Variants in ITGA8 observed in about 807,000 individuals in gnomAD.
The protein encoded by ITGA8 is integrin alpha-8.
ITGA8 carries 91 observed loss-of-function variants against 142.3 expected under a neutral mutation model. That is an observed-to-expected ratio of 0.64 (90% CI 0.54 to 0.76). The LOEUF (loss-of-function observed/expected upper bound fraction) is 0.76, where lower values mean the gene tolerates loss of function less well. ITGA8 is among the 30% of genes least tolerant of loss of function. The pLI, the probability that ITGA8 is intolerant of heterozygous loss-of-function variation, is 0.00. For synonymous variants in ITGA8, 505 were observed against 485.2 expected (o/e 1.04, Z -0.54); for missense variants, 1,406 against 1,327.7 (o/e 1.06, Z -0.92).
At chr10:15,527,685 C>T (rs780668795) in intron 28 of ITGA8, among the ~76,000 whole-genome samples, 16 of 152,176 alleles carry the variant, frequency 1.1e-4, no homozygotes, top group Non-Finnish European at 1.9e-4. Context: ...AAAGCTAATA[C>T]GGGCCTCAAG....
intron 24 of ITGA8, among the ~76,000 whole-genome samples, chr10:15,574,665 A>G (rs1408843257): frequency 6.6e-6 from 1 of 151,892 alleles, no homozygotes; most frequent in Non-Finnish European, 1.5e-5. Flanking sequence ...CTGGGATTAC[A>G]GGCGTGAGCC....
chr10:15,571,424 G>A (rs1834181556), intron 25 of ITGA8, among the ~76,000 whole-genome samples: 1 of 152,228 alleles, frequency 6.6e-6, no homozygotes, highest in Non-Finnish European at 1.5e-5. Flanking sequence ...ACTACAAGAT[G>A]TTGTTGTCTT....
intron 17 of ITGA8, among the ~76,000 whole-genome samples, chr10:15,607,182 T>C (rs1833210605): frequency 6.6e-6 from 1 of 152,226 alleles, no homozygotes; most frequent in African/African-American, 2.4e-5. Context: ...GTGTTATAAA[T>C]ATTTTTACTT....
rs193180044 is a variant in ITGA8, at chr10:15,597,766, C to T, written c.2119-467G>A. Among the ~76,000 whole-genome samples the T allele has an allele frequency of 6.6e-5, 10 of 152,232 alleles. No homozygotes were observed. In the East Asian group the frequency reaches 1.5e-3, roughly 24 times the overall value. The stretch of plus-strand genomic sequence containing the variant: ...CACAAATTTCTATACACCATGGTCC[C>T]GTTTTGAGATCATGCAATCGACTTT... On this transcript the variant is annotated intron_variant, in intron 20 of 29. Transcript: ENST00000378076.
chr10:15,584,544 G>A (rs1832788112), intron 23 of ITGA8, among the ~76,000 whole-genome samples: 1 of 152,176 alleles, frequency 6.6e-6, no homozygotes, highest in African/African-American at 2.4e-5. Context: ...TCTCACAGGA[G>A]TGTAATTTGG....
chr10:15,559,509 A>G (rs1833938572), intron 25 of ITGA8, among the ~76,000 whole-genome samples: 1 of 152,226 alleles, frequency 6.6e-6, no homozygotes, highest in South Asian at 2.1e-4. Context: ...CAGGGAGATC[A>G]GATGTAGGAG....
chr10:15,693,801 G>A (rs146427707), intron 2 of ITGA8, among the ~76,000 whole-genome samples: 299 of 152,208 alleles, frequency 2.0e-3, no homozygotes, highest in African/African-American at 6.7e-3. Context: ...ATAAGTGATC[G>A]TGAAAGTTCT....
At chr10:15,548,426 G>T in intron 27 of ITGA8, 29 bp downstream of exon 27, 1 of 1,450,004 alleles carries the variant, frequency 6.9e-7, no homozygotes, top group African/African-American at 1.4e-5. Flanking sequence ...AGTGAGCAGT[G>T]TGTATGTGCT....
At chr10:15,662,267 C>G (rs1417660) in intron 8 of ITGA8, among the ~76,000 whole-genome samples, 139,753 of 150,732 alleles carry the variant, frequency 0.93, 65,499 homozygotes, top group Non-Finnish European at 1. Context: ...TATTCAGTTG[C>G]AAGAAAAAAT....
rs534714654 is a variant in ITGA8 at position 15,657,509 on chromosome 10, C to CTTTCTT, written c.948+1489_948+1490insAAGAAA. Among the ~76,000 whole-genome samples the CTTTCTT allele has an allele frequency of 1.6e-3, 185 of 116,504 alleles. 1 individual carries two copies. The highest frequency in any genetic ancestry group is 5.6e-3 in the African/African-American group (176 of 31,358). The allele number at this position is 116,504 out of a possible 152,430, so 76.4% of individuals were successfully genotyped here. ...CTGCTGGTTTCTTTTTCTTTTCTTT[C>CTTTCTT]ATTTTTTTTTTTTTTTTTTTTTAAC... On this transcript the variant is annotated intron_variant, in intron 10 of 29. Transcript: ENST00000378076.
intron 2 of ITGA8, among the ~76,000 whole-genome samples, chr10:15,707,830 A>G (rs1835288035): frequency 6.6e-6 from 1 of 151,958 alleles, no homozygotes; most frequent in Admixed American, 6.6e-5. Flanking sequence ...CTAAAAAAAA[A>G]AAAAAGGAAA....
chr10:15,690,292 G>A (rs752348439), intron 2 of ITGA8, among the ~76,000 whole-genome samples: 23 of 152,126 alleles, frequency 1.5e-4, no homozygotes, highest in Non-Finnish European at 2.9e-4. Flanking sequence ...CATATGCCCT[G>A]TTGGCTCCAG....
At chr10:15,570,881 C>T (rs1834167566) in intron 25 of ITGA8, among the ~76,000 whole-genome samples, 1 of 152,122 alleles carries the variant, frequency 6.6e-6, no homozygotes, top group East Asian at 1.9e-4. Context: ...GAGGTCTCTG[C>T]AGAATCATGT....
rs755059930 is a variant in ITGA8 at position 15,682,635 on chromosome 10, G to C, written c.568+1369C>G. ...TTTGAAAGGCTGAGGCGGATGGATC[G>C]CATGAGCACAGGAGTTCAAGACCAG... On this transcript the variant is annotated intron_variant, in intron 4 of 29. Transcript: ENST00000378076. Among the ~76,000 whole-genome samples the C allele has an allele frequency of 5.9e-5, 9 of 152,020 alleles. 1 individual carries two copies. The highest frequency in any genetic ancestry group is 1.2e-4 in the Non-Finnish European group (8 of 67,996).
chr10:15,569,346 G>A (rs1192927429), intron 25 of ITGA8, among the ~76,000 whole-genome samples: 1 of 152,130 alleles, frequency 6.6e-6, no homozygotes, highest in Non-Finnish European at 1.5e-5. Context: ...TGAAGAATGT[G>A]TAGACATGAA....
intron 2 of ITGA8, among the ~76,000 whole-genome samples, chr10:15,701,539 T>C (rs1335326345): frequency 6.6e-6 from 1 of 151,938 alleles, no homozygotes; most frequent in African/African-American, 2.4e-5. Context: ...TGAGGGGATG[T>C]GGAATATGGT....
chr10:15,521,543 G>A (rs1248554057), intron 28 of ITGA8, among the ~76,000 whole-genome samples: 1 of 152,146 alleles, frequency 6.6e-6, no homozygotes, highest in Non-Finnish European at 1.5e-5. Flanking sequence ...ACCTTAACAG[G>A]AACATGCCAA....
At chr10:15,688,083 A>G in intron 2 of ITGA8, 45 bp from the exon 3 acceptor site, 1 of 1,270,068 alleles carries the variant, frequency 7.9e-7, no homozygotes, top group South Asian at 1.2e-5. Context: ...AAAATGTGGC[A>G]GCCAATTAAA....
intron 8 of ITGA8, among the ~76,000 whole-genome samples, chr10:15,664,933 A>T (rs187206822): frequency 1.3e-5 from 2 of 152,092 alleles, no homozygotes; most frequent in African/African-American, 4.8e-5. Flanking sequence ...CATTTAGGTT[A>T]GTTCCAAGTC....
Sources: allele counts gnomAD v4.1 joint callset (sites outside exome capture counted in the v4.1 genomes callset), GRCh38; gene constraint gnomAD v4.1.1; transcripts MANE v1.5; gene names NCBI Gene and HGNC (gene_info 2026-07-23, HGNC 2026-07-21).